Variants in ZBTB5 observed in about 807,000 individuals in gnomAD.
The protein encoded by ZBTB5 is zinc finger and BTB domain-containing protein 5.
In ZBTB5, 15 loss-of-function variants were observed where a neutral mutation model predicts 37.9. The observed-to-expected ratio is 0.40, with a 90% CI of 0.26 to 0.61. ZBTB5 has a LOEUF of 0.61. ZBTB5 is among the 20% of genes least tolerant of loss of function. The probability of loss-of-function intolerance (pLI) is 0.47; values close to 1 mark genes in which losing one functional copy is unlikely to be tolerated. For missense variants in ZBTB5, 708 were observed against 856.8 expected (o/e 0.83, Z 2.17); for synonymous variants, 315 against 312.4 (o/e 1.01, Z -0.09).
intron 1 of ZBTB5, among the ~76,000 whole-genome samples, chr9:37,443,765 T>C (rs998342936): frequency 2.6e-5 from 4 of 151,822 alleles, no homozygotes; most frequent in Non-Finnish European, 5.9e-5. Flanking sequence ...ACCCTGTCTC[T>C]ACCAAAAATA....
chr9:37,455,747 A>G lies in ZBTB5; in HGVS notation c.-5+9468T>C, dbSNP rs1011950858. On this transcript the variant is annotated intron_variant, in intron 1 of 1. Coordinates refer to ENST00000307750, the MANE Select transcript of ZBTB5 (RefSeq NM_014872.3). ...CCATTTCATCAGCAGAAAAATAACT[A>G]GACAGAACATTTCCTCCACTTGTAG... is the stretch of plus-strand genomic sequence containing the variant. 3.3e-5 allele frequency among the ~76,000 whole-genome samples: 5 copies of G among 152,290 alleles called. No homozygotes were observed. The South Asian group carries it at 8.3e-4, about 25-fold the overall frequency.
At chr9:37,449,953 G>A (rs1430776040) in intron 1 of ZBTB5, among the ~76,000 whole-genome samples, 3 of 152,076 alleles carry the variant, frequency 2.0e-5, no homozygotes, top group Non-Finnish European at 4.4e-5. Context: ...GTAAGCAGCA[G>A]ACAATGGGGC....
chr9:37,461,709 G>T (rs1199410463), intron 1 of ZBTB5, among the ~76,000 whole-genome samples: 1 of 152,014 alleles, frequency 6.6e-6, no homozygotes, highest in Non-Finnish European at 1.5e-5. Context: ...CTCAAGCCTG[G>T]GTGACAGAGT....
chr9:37,447,827 A>G (rs1029747721), intron 1 of ZBTB5, among the ~76,000 whole-genome samples: 2 of 150,382 alleles, frequency 1.3e-5, no homozygotes, highest in African/African-American at 2.4e-5. Flanking sequence ...TTTTTTAGAT[A>G]AGCAAAAGAA....
intron 1 of ZBTB5, among the ~76,000 whole-genome samples, chr9:37,459,522 T>C (rs1480746554): frequency 6.6e-6 from 1 of 152,066 alleles, no homozygotes; most frequent in East Asian, 1.9e-4. Flanking sequence ...TAAACAACTT[T>C]TAAACATGTC....
Position 37,438,429 on chromosome 9 carries a change from T to TGACA in ZBTB5, c.*2085_*2088dup, listed in dbSNP as rs1373018206. 1 of 152,582 alleles carries TGACA rather than the reference T, an allele frequency of 6.6e-6. No individual in the cohort carries two copies. The highest frequency in any genetic ancestry group is 2.4e-5 in the African/African-American group (1 of 41,454). The allele number at this position is 152,582 out of a possible 1,614,324, so 9.5% of individuals were successfully genotyped here. Reference sequence around the variant, plus strand: ...AAGCTTGCTTCTCACACGTAGAAACTGACAGACTAAGAGGTAGATGAGAGA... The same window carrying TGACA: ...AAGCTTGCTTCTCACACGTAGAAACTGACAGACAGACTAAGAGGTAGATGAGAGA... On this transcript the variant is annotated 3_prime_UTR_variant, in exon 2 of 2. Coordinates refer to ENST00000307750, the MANE Select transcript of ZBTB5 (RefSeq NM_014872.3).
At chr9:37,449,663 C>T (rs889031890) in intron 1 of ZBTB5, among the ~76,000 whole-genome samples, 9 of 141,224 alleles carry the variant, frequency 6.4e-5, no homozygotes, top group Admixed American at 7.5e-5. Flanking sequence ...TGTACCACTG[C>T]ACTCTAGTCT....
Position 37,439,784 on chromosome 9 carries a change from T to C in ZBTB5, c.*734A>G, listed in dbSNP as rs939774388. 6 of 90,672 alleles carry C rather than the reference T, an allele frequency of 6.6e-5. No individual in the cohort carries two copies. Among genetic ancestry groups the C allele is most frequent in the Admixed American group, 1.3e-4 (1 of 7,662 alleles). 5.6% of individuals were successfully genotyped at this position (90,672 alleles called of 1,614,324 possible). A position where few individuals can be genotyped will look rare whatever the true frequency, so the allele number is the denominator to read the frequency against. On this transcript the variant is annotated 3_prime_UTR_variant, in exon 2 of 2. Coordinates refer to ENST00000307750, the MANE Select transcript of ZBTB5 (RefSeq NM_014872.3). ...GTTAAAATACTGCTCAAACAGCACA[T>C]AGGGAAACAATACCTTGTCACTCTC... is the stretch of plus-strand genomic sequence containing the variant.
At chr9:37,464,819 G>A (rs1469561330) in intron 1 of ZBTB5, among the ~76,000 whole-genome samples, 3 of 152,320 alleles carry the variant, frequency 2.0e-5, no homozygotes, top group East Asian at 3.9e-4. Flanking sequence ...ATGAAACCTC[G>A]TCGCTCAAGA....
At position 37,441,743 on chromosome 9, in the gene ZBTB5, G is replaced by C; in HGVS notation, c.809C>G (p.Ala270Gly). 1 of 1,613,940 alleles carries C rather than the reference G, an allele frequency of 6.2e-7. No individual in the cohort carries two copies. Among genetic ancestry groups the C allele is most frequent in the Non-Finnish European group, 8.5e-7 (1 of 1,179,986 alleles). Residue 270 changes from alanine (A) to glycine (G), a missense_variant, in exon 2 of 2, where the codon GCC becomes GGC. By Grantham distance (60) the Ala-to-Gly change is moderately conservative. This residue lies in a region of ZBTB5 where 639 missense variants were observed against 690.5 expected (regional missense o/e 0.93). Coordinates refer to ENST00000307750, the MANE Select transcript of ZBTB5 (RefSeq NM_014872.3). ...FDQSFGTQED[A>G]QVPSQSDNSA... ...GTTATCAGACTGGCTGGGCACCTGG[G>C]CATCTTCTTGAGTGCCAAAAGACTG...
chr9:37,439,799 T>C lies in ZBTB5; in HGVS notation c.*719A>G, dbSNP rs978872876. 1 of 152,450 alleles carries C rather than the reference T, an allele frequency of 6.6e-6. No homozygotes were observed. The highest frequency in any genetic ancestry group is 2.4e-5 in the African/African-American group (1 of 41,456). 9.4% of individuals were successfully genotyped at this position (152,450 alleles called of 1,614,324 possible). A position where few individuals can be genotyped will look rare whatever the true frequency, so the allele number is the denominator to read the frequency against. On this transcript the variant is annotated 3_prime_UTR_variant, in exon 2 of 2. Coordinates refer to ENST00000307750, the MANE Select transcript of ZBTB5 (RefSeq NM_014872.3). Reference sequence around the variant, plus strand: ...AAACAGCACATAGGGAAACAATACCTTGTCACTCTCTACAAGTACACACTC... The same window carrying C: ...AAACAGCACATAGGGAAACAATACCCTGTCACTCTCTACAAGTACACACTC...
At chr9:37,443,330 A>G (rs1163618242) in intron 1 of ZBTB5, among the ~76,000 whole-genome samples, 1 of 151,842 alleles carries the variant, frequency 6.6e-6, no homozygotes, top group Admixed American at 6.6e-5. Context: ...CTTCATCTCA[A>G]AGGAAAAAAA....
intron 1 of ZBTB5, among the ~76,000 whole-genome samples, chr9:37,449,534 C>A (rs1248039544): frequency 4.0e-5 from 6 of 151,884 alleles, no homozygotes; most frequent in African/African-American, 1.5e-4. Flanking sequence ...CCTGCCTCTA[C>A]TAAAAATGCA....
chr9:37,443,343 A>C (rs548656588), intron 1 of ZBTB5, among the ~76,000 whole-genome samples: 1 of 152,234 alleles, frequency 6.6e-6, no homozygotes, highest in East Asian at 1.9e-4. Context: ...GAAAAAAAAA[A>C]AAAACACTAA....
At position 37,439,666 on chromosome 9, in the gene ZBTB5, C is replaced by T. The variant is rs1823819037; in HGVS notation, c.*852G>A. 1 of 152,166 alleles carries T rather than the reference C, an allele frequency of 6.6e-6. No homozygotes were observed. Among genetic ancestry groups the T allele is most frequent in the East Asian group, 1.9e-4 (1 of 5,202 alleles). 9.4% of individuals were successfully genotyped at this position (152,166 alleles called of 1,614,324 possible). A position where few individuals can be genotyped will look rare whatever the true frequency, so the allele number is the denominator to read the frequency against. On this transcript the variant is annotated 3_prime_UTR_variant, in exon 2 of 2. Coordinates refer to ENST00000307750, the MANE Select transcript of ZBTB5 (RefSeq NM_014872.3). ...CAGGTAAATGTGCCATGGAAGACCC[C>T]ACAAAACATGACTCCACATCAGCAG...
At position 37,440,629 on chromosome 9, in the gene ZBTB5, G is replaced by C. The variant is rs760565359; in HGVS notation, c.1923C>G (p.Tyr641Ter). 1 of 1,614,248 alleles carries C rather than the reference G, an allele frequency of 6.2e-7. No individual in the cohort carries two copies. The highest frequency in any genetic ancestry group is 1.1e-5 in the South Asian group (1 of 91,090). The change falls in exon 2 of 2, where the codon TAC becomes TAG. Residue 641 changes from tyrosine to a stop codon, truncating the protein, a stop_gained. Transcript: ENST00000307750. LOFTEE classifies it high-confidence loss of function. ...ACCTCTTGCCACACTTCAGGCAGGC[G>C]TAAGGCTTTTCACCTGTGTGAACAC... ...HIRVHTGEKP[Y>*]ACLKCGKRFS... is the part of the protein sequence containing the mutation.
At chr9:37,443,913 G>A (rs1258343364) in intron 1 of ZBTB5, among the ~76,000 whole-genome samples, 1 of 151,042 alleles carries the variant, frequency 6.6e-6, no homozygotes, top group Non-Finnish European at 1.5e-5. Flanking sequence ...GTGACAGAGT[G>A]AAACCTGTCT....
At chr9:37,448,676 A>AT in intron 1 of ZBTB5, among the ~76,000 whole-genome samples, 1 of 152,242 alleles carries the variant, frequency 6.6e-6, no homozygotes, top group Middle Eastern at 3.2e-3. Context: ...AGTAGAGTAG[A>AT]TTTTCTTAAA....
At chr9:37,450,326 G>A (rs1824079829) in intron 1 of ZBTB5, among the ~76,000 whole-genome samples, 1 of 152,066 alleles carries the variant, frequency 6.6e-6, no homozygotes, top group Admixed American at 6.5e-5. Context: ...AAAAAAGCAA[G>A]TAAGTCTTTG....
Sources: allele counts gnomAD v4.1 joint callset (sites outside exome capture counted in the v4.1 genomes callset), GRCh38; gene constraint gnomAD v4.1.1; regional missense constraint gnomAD v4.1.1; transcripts MANE v1.5; gene names NCBI Gene and HGNC (gene_info 2026-07-23, HGNC 2026-07-21).